Variants in FHIT observed in about 807,000 individuals in gnomAD.
The protein encoded by FHIT is fragile histidine triad diadenosine triphosphatase.
Under a neutral mutation model 17.9 loss-of-function variants are expected in FHIT, and 19 were observed. The ratio of observed to expected loss-of-function variants is 1.06; its 90% confidence interval spans 0.74 to 1.56. FHIT has a LOEUF of 1.56. Among genes scored for constraint, FHIT ranks in the 40% most tolerant of loss-of-function variants. The pLI, the probability that FHIT is intolerant of heterozygous loss-of-function variation, is 0.00. For missense variants in FHIT, 248 were observed against 189.2 expected (o/e 1.31, Z -1.82); for synonymous variants, 81 against 69.7 (o/e 1.16, Z -0.81).
intron 5 of FHIT, among the ~76,000 whole-genome samples, chr3:60,266,553 ATATAT>A (rs1201615733): frequency 6.6e-6 from 1 of 152,096 alleles, no homozygotes; most frequent in African/African-American, 2.4e-5. Flanking sequence ...GGTATGCTAC[ATATAT>A]TATATCTCTC....
At chr3:60,713,365 G>T in intron 4 of FHIT, among the ~76,000 whole-genome samples, 1 of 151,206 alleles carries the variant, frequency 6.6e-6, no homozygotes, top group South Asian at 2.1e-4. Context: ...ACAGTTAAAA[G>T]AACTAGAAAA....
At chr3:60,815,380 T>A (rs1172435876) in intron 4 of FHIT, among the ~76,000 whole-genome samples, 1 of 152,192 alleles carries the variant, frequency 6.6e-6, no homozygotes, top group African/African-American at 2.4e-5. Flanking sequence ...GTTCTTACAT[T>A]TAAATCTTTA....
At chr3:59,910,494 T>C (rs889910486) in intron 8 of FHIT, among the ~76,000 whole-genome samples, 1 of 152,056 alleles carries the variant, frequency 6.6e-6, no homozygotes, top group Non-Finnish European at 1.5e-5. Context: ...TTTGAAAAAA[T>C]CTTTTGGAGG....
intron 4 of FHIT, among the ~76,000 whole-genome samples, chr3:60,628,342 G>T (rs181119882): frequency 1.3e-5 from 2 of 152,236 alleles, no homozygotes; most frequent in African/African-American, 4.8e-5. Context: ...ATATATTGAG[G>T]CTTTTATGGC....
At chr3:60,267,667 T>C (rs1488444371) in intron 5 of FHIT, among the ~76,000 whole-genome samples, 1 of 152,140 alleles carries the variant, frequency 6.6e-6, no homozygotes, top group African/African-American at 2.4e-5. Context: ...TTTTCTACTG[T>C]ATACATCATT....
At chr3:59,856,060 T>C (rs898758458) in intron 8 of FHIT, among the ~76,000 whole-genome samples, 22 of 152,158 alleles carry the variant, frequency 1.4e-4, no homozygotes, top group African/African-American at 4.6e-4. Context: ...GGATTACAGG[T>C]GTGAGCCACC....
At chr3:60,841,080 T>G (rs1463428511) in intron 3 of FHIT, among the ~76,000 whole-genome samples, 1 of 152,220 alleles carries the variant, frequency 6.6e-6, no homozygotes, top group African/African-American at 2.4e-5. Flanking sequence ...TTATTTTATC[T>G]GGAGAACCCA....
chr3:60,569,187 T>G (rs1019372515), intron 4 of FHIT, among the ~76,000 whole-genome samples: 1 of 152,094 alleles, frequency 6.6e-6, no homozygotes, highest in Non-Finnish European at 1.5e-5. Flanking sequence ...TCAGGCAGTA[T>G]CTTTAAAATA....
At chr3:60,638,122 G>C (rs781870220) in intron 4 of FHIT, among the ~76,000 whole-genome samples, 1 of 152,082 alleles carries the variant, frequency 6.6e-6, no homozygotes, top group East Asian at 1.9e-4. Flanking sequence ...AAGTTGCCAG[G>C]ACACCAACTT....
intron 4 of FHIT, among the ~76,000 whole-genome samples, chr3:60,620,437 T>C (rs1232692328): frequency 6.6e-6 from 1 of 152,162 alleles, no homozygotes; most frequent in African/African-American, 2.4e-5. Flanking sequence ...AATCATGGTA[T>C]ACGCAGACCA....
chr3:60,774,634 T>G (rs1700159284), intron 4 of FHIT, among the ~76,000 whole-genome samples: 1 of 152,110 alleles, frequency 6.6e-6, no homozygotes, highest in African/African-American at 2.4e-5. Flanking sequence ...CAGTTAGAGA[T>G]GAACAACAAT....
In FHIT at chr3:60,951,412, A is replaced by G. The variant is rs142455106; in HGVS notation, c.-111+90635T>C. 4.2e-4 allele frequency among the ~76,000 whole-genome samples: 64 copies of G among 152,338 alleles called. No individual in the cohort carries two copies. In the East Asian group the frequency reaches 0.011, roughly 25 times the overall value. The stretch of plus-strand genomic sequence containing the variant: ...AACACTTAAGATCTACTATGGTGTC[A>G]GGTGCTACTTAAGGCACCAAGTATC... On this transcript the variant is annotated intron_variant, in intron 3 of 9. Transcript: ENST00000492590.
At chr3:60,390,427 AAC>A (rs200929146) in intron 5 of FHIT, among the ~76,000 whole-genome samples, 186 of 4,420 alleles carry the variant, frequency 0.042, 22 homozygotes, top group African/African-American at 0.057. Flanking sequence ...AAAAAAAAAA[AAC>A]CCGTACCCTC....
intron 5 of FHIT, among the ~76,000 whole-genome samples, chr3:60,438,757 C>A (rs1205070699): frequency 6.6e-6 from 1 of 152,046 alleles, no homozygotes; most frequent in Non-Finnish European, 1.5e-5. Context: ...ACCAACTAAC[C>A]ACATTGTTGG....
chr3:60,251,879 A>G (rs1484737005), intron 5 of FHIT, among the ~76,000 whole-genome samples: 2 of 152,212 alleles, frequency 1.3e-5, no homozygotes, highest in African/African-American at 4.8e-5. Context: ...CCTCTTTGTT[A>G]TCTATTCCAT....
chr3:60,330,664 C>G (rs1709922825), intron 5 of FHIT, among the ~76,000 whole-genome samples: 1 of 152,134 alleles, frequency 6.6e-6, no homozygotes, highest in African/African-American at 2.4e-5. Flanking sequence ...TGGACAAATG[C>G]CTAAAAGATG....
Position 59,853,998 on chromosome 3 carries a change from A to T in FHIT, c.348+68348T>A, listed in dbSNP as rs1702048791. ...GGAGCTAATTAGTCCACGTGTAAAA[A>T]ATAAAAATAAGACAAAGAACAGACT... On this transcript the variant is annotated intron_variant, in intron 8 of 9. Transcript: ENST00000492590. 2.0e-5 allele frequency among the ~76,000 whole-genome samples: 3 copies of T among 152,162 alleles called. No homozygotes were observed. In the East Asian group the frequency reaches 5.8e-4, roughly 29 times the overall value.
At chr3:61,220,372 A>T (rs2106821175) in intron 1 of FHIT, among the ~76,000 whole-genome samples, 1 of 152,356 alleles carries the variant, frequency 6.6e-6, no homozygotes, top group East Asian at 1.9e-4. Context: ...GAATCTGCAT[A>T]ATAATTTAAA....
intron 8 of FHIT, among the ~76,000 whole-genome samples, chr3:59,803,344 G>A (rs558045208): frequency 2.2e-4 from 34 of 152,164 alleles, no homozygotes; most frequent in African/African-American, 7.2e-4. Context: ...CGGGGCCAGC[G>A]AAGGATTCTG....
Sources: gnomAD v4.1 joint callset for allele counts (sites outside exome capture counted in the v4.1 genomes callset) on GRCh38, gnomAD v4.1.1 for gene constraint, MANE v1.5 for transcripts, NCBI Gene and HGNC (gene_info 2026-07-23, HGNC 2026-07-21) for gene names.